Variants in CLOCK observed in about 807,000 individuals in gnomAD.
CLOCK encodes the protein circadian locomoter output cycles protein kaput.
A neutral mutation model predicts 118.4 loss-of-function variants in CLOCK; 43 were observed. The ratio of observed to expected loss-of-function variants is 0.36; its 90% confidence interval spans 0.28 to 0.47. The LOEUF (loss-of-function observed/expected upper bound fraction) is 0.47, where lower values mean the gene tolerates loss of function less well. Ranked by LOEUF, CLOCK falls within the 20% of genes least tolerant of loss-of-function variation. The probability of loss-of-function intolerance (pLI) is 1.00; values close to 1 mark genes in which losing one functional copy is unlikely to be tolerated. For synonymous variants in CLOCK, 326 were observed against 339.2 expected, an observed-to-expected ratio of 0.96 and a Z score of 0.43; for missense variants, 846 against 999.9, an observed-to-expected ratio of 0.85 and a Z score of 2.08.
intron 7 of CLOCK, among the ~76,000 whole-genome samples, chr4:55,475,359 G>T (rs918900995): frequency 6.6e-6 from 1 of 152,168 alleles, no homozygotes; most frequent in Non-Finnish European, 1.5e-5. Flanking sequence ...TCTTGAGATC[G>T]ACTCTACTCC....
chr4:55,436,173 G>A (rs980193358), intron 22 of CLOCK, among the ~76,000 whole-genome samples: 35 of 152,158 alleles, frequency 2.3e-4, no homozygotes, highest in African/African-American at 8.4e-4. Context: ...ACCACATTGG[G>A]TTCTTAATAA....
chr4:55,454,211 A>T (rs992217176), intron 13 of CLOCK, among the ~76,000 whole-genome samples: 1 of 152,210 alleles, frequency 6.6e-6, no homozygotes, highest in Non-Finnish European at 1.5e-5. Flanking sequence ...TTTAAACCTT[A>T]ACTAACCAAA....
chr4:55,518,184 T>A (rs1729637994), intron 1 of CLOCK, among the ~76,000 whole-genome samples: 1 of 151,914 alleles, frequency 6.6e-6, no homozygotes. Flanking sequence ...GAAGGGAGGG[T>A]ATAATGTCAG....
In CLOCK at chr4:55,483,565, T is replaced by A. The variant is rs1034808526; in HGVS notation, c.-43-737A>T. ...CGTGATAATGTATGACCACTTAAGT[T>A]TGAGAAGCAACAGGCTGGAGGACAG... On this transcript the variant is annotated intron_variant, in intron 3 of 22. Coordinates refer to ENST00000513440, the MANE Select transcript of CLOCK (RefSeq NM_004898.4). Among the ~76,000 whole-genome samples the A allele has an allele frequency of 2.0e-5, 3 of 152,126 alleles. No homozygotes were observed. In the East Asian group the frequency reaches 5.8e-4, roughly 29 times the overall value.
intron 16 of CLOCK, among the ~76,000 whole-genome samples, chr4:55,449,802 T>C (rs1724256866): frequency 7.3e-6 from 1 of 137,334 alleles, no homozygotes; most frequent in Non-Finnish European, 1.6e-5. Flanking sequence ...GAACACTTAC[T>C]GGCCCTACAG....
chr4:55,448,954 A>G, intron 17 of CLOCK, 86 bp from the exon 18 acceptor site: 3 of 1,057,376 alleles, frequency 2.8e-6, no homozygotes, highest in Non-Finnish European at 2.9e-6. Flanking sequence ...TGATATTCGT[A>G]TTAATAAACT....
chr4:55,476,194 G>A, intron 6 of CLOCK, 140 bp from the exon 7 acceptor site: 2 of 656,902 alleles, frequency 3.0e-6, no homozygotes, highest in Middle Eastern at 2.6e-4. Flanking sequence ...ATATCAAGAG[G>A]TCCAGGTTTT....
chr4:55,493,804 C>T (rs1727876615), intron 2 of CLOCK, among the ~76,000 whole-genome samples: 2 of 152,160 alleles, frequency 1.3e-5, no homozygotes, highest in Non-Finnish European at 2.9e-5. Context: ...ATAAGAACCA[C>T]ATCCCAAACC....
chr4:55,484,298 C>G (rs1268154424), intron 3 of CLOCK, among the ~76,000 whole-genome samples: 1 of 152,058 alleles, frequency 6.6e-6, no homozygotes, highest in East Asian at 1.9e-4. Flanking sequence ...TCAAGCAATC[C>G]TGCCACTTCA....
chr4:55,485,314 T>C (rs770164866), intron 3 of CLOCK, among the ~76,000 whole-genome samples: 6 of 152,132 alleles, frequency 3.9e-5, no homozygotes, highest in South Asian at 2.1e-4. Flanking sequence ...TTCCAGCCAA[T>C]TGACATACAC....
In CLOCK at chr4:55,540,646, T is replaced by TG. The variant is rs1374323342; in HGVS notation, c.-290+6135dup. 7 of 152,412 alleles carry TG rather than the reference T, an allele frequency of 4.6e-5. No homozygotes were observed. In the South Asian group the frequency reaches 1.0e-3, roughly 22 times the overall value. 9.4% of individuals were successfully genotyped at this position (152,412 alleles called of 1,614,324 possible). A position where few individuals can be genotyped will look rare whatever the true frequency, so the allele number is the denominator to read the frequency against. ...GGGAGCGCAGCTGCTCGTATACCCT[T>TG]GACCCAAGACCAGTCCTCCTCTATT... On this transcript the variant is annotated intron_variant, in intron 1 of 22. Coordinates refer to ENST00000513440, the MANE Select transcript of CLOCK (RefSeq NM_004898.4).
chr4:55,508,813 C>T (rs986113201), intron 2 of CLOCK, among the ~76,000 whole-genome samples: 1 of 152,092 alleles, frequency 6.6e-6, no homozygotes, highest in Non-Finnish European at 1.5e-5. Context: ...AGGATGGTCT[C>T]GATATCCTGA....
At chr4:55,496,438 C>G (rs149194947) in intron 2 of CLOCK, among the ~76,000 whole-genome samples, 1 of 152,264 alleles carries the variant, frequency 6.6e-6, no homozygotes, top group African/African-American at 2.4e-5. Flanking sequence ...AGAAATGCTT[C>G]ATTCTTTTTC....
intron 1 of CLOCK, among the ~76,000 whole-genome samples, chr4:55,545,047 GCTAA>G (rs754088969): frequency 5.9e-4 from 58 of 98,148 alleles, no homozygotes; most frequent in Non-Finnish European, 9.2e-4. Context: ...CTTTCTTCAG[GCTAA>G]CTTTTTTTTT....
At chr4:55,528,838 T>C (rs1730362458) in intron 1 of CLOCK, among the ~76,000 whole-genome samples, 1 of 152,186 alleles carries the variant, frequency 6.6e-6, no homozygotes, top group Admixed American at 6.5e-5. Flanking sequence ...TCTTCTGGTG[T>C]CAATGTCAGT....
At chr4:55,517,693 ATGTAGATTAGACTCTGCAG>A (rs974993583) in intron 1 of CLOCK, among the ~76,000 whole-genome samples, 6 of 152,128 alleles carry the variant, frequency 3.9e-5, no homozygotes, top group African/African-American at 1.4e-4. Context: ...AGAAGAGACT[ATGTAGATTAGACTCTGCAG>A]TGAAACCAAC....
At chr4:55,440,569 ACAAC>A (rs1723286279) in intron 21 of CLOCK, among the ~76,000 whole-genome samples, 1 of 152,196 alleles carries the variant, frequency 6.6e-6, no homozygotes. Context: ...TATACACTAC[ACAAC>A]CAAATACTTT....
At position 55,428,212 on chromosome 4, in the gene CLOCK, A is replaced by G. The variant is rs1296739652; in HGVS notation, c.*7203T>C. 1 of 152,226 alleles carries G rather than the reference A, an allele frequency of 6.6e-6. No individual in the cohort carries two copies. Among genetic ancestry groups the G allele is most frequent in the Admixed American group, 6.5e-5 (1 of 15,274 alleles). The allele number at this position is 152,226 out of a possible 1,614,324, so 9.4% of individuals were successfully genotyped here. A position where few individuals can be genotyped will look rare whatever the true frequency, so the allele number is the denominator to read the frequency against. Reference sequence around the variant, plus strand: ...AGTTTTAAAAGCTATGCACATCATAACCTGGAATAATGATTACACAGCAAG... The same window carrying G: ...AGTTTTAAAAGCTATGCACATCATAGCCTGGAATAATGATTACACAGCAAG... On this transcript the variant is annotated 3_prime_UTR_variant, in exon 23 of 23. Coordinates refer to ENST00000513440, the MANE Select transcript of CLOCK (RefSeq NM_004898.4).
intron 1 of CLOCK, among the ~76,000 whole-genome samples, chr4:55,516,958 T>G (rs1051197228): frequency 1.3e-5 from 2 of 152,230 alleles, no homozygotes; most frequent in Admixed American, 6.5e-5. Flanking sequence ...AAGTACCACG[T>G]AATAATCCTA....
Sources: allele counts gnomAD v4.1 joint callset (sites outside exome capture counted in the v4.1 genomes callset), GRCh38; gene constraint gnomAD v4.1.1; transcripts MANE v1.5; gene names NCBI Gene and HGNC (gene_info 2026-07-23, HGNC 2026-07-21).